The following PRKCB variants were observed in gnomAD, a reference collection of about 807,000 sequenced individuals.
The protein encoded by PRKCB is protein kinase C beta.
In PRKCB, 13 loss-of-function variants were observed where a neutral mutation model predicts 81.5. That is an observed-to-expected ratio of 0.16 (90% CI 0.10 to 0.25). The LOEUF is 0.25. Ranked by LOEUF, PRKCB falls within the 10% of genes least tolerant of loss-of-function variation. The probability of loss-of-function intolerance (pLI) is 1.00; values close to 1 mark genes in which losing one functional copy is unlikely to be tolerated. For synonymous variants in PRKCB, 335 were observed against 321.4 expected, an observed-to-expected ratio of 1.04 and a Z score of -0.45; for missense variants, 509 against 875.7, an observed-to-expected ratio of 0.58 and a Z score of 5.29.
intron 9 of PRKCB, among the ~76,000 whole-genome samples, chr16:24,141,206 GT>G (rs536478873): frequency 6.6e-6 from 1 of 151,830 alleles, no homozygotes; most frequent in African/African-American, 2.4e-5. Context: ...TTTATTTTTT[GT>G]TTTTTGAGAC....
chr16:24,193,432 G>A (rs1005374872), intron 16 of PRKCB, among the ~76,000 whole-genome samples: 10 of 143,976 alleles, frequency 6.9e-5, no homozygotes, highest in Non-Finnish European at 1.2e-4. Flanking sequence ...GCGACAGAGT[G>A]AGACTCCATC....
rs1003838471 is a variant in PRKCB, at chr16:24,180,809, G to A, written c.1414G>A (p.Val472Met). The A allele has an allele frequency of 9.3e-6, 15 of 1,613,986 alleles. No individual in the cohort carries two copies. The highest frequency in any genetic ancestry group is 1.7e-5 in the Admixed American group (1 of 59,988). ...CCATAGTGACCTAAAACTTGACAAC[G>A]TGATGCTCGATTCTGAGGGACACAT... ...IIYRDLKLDNVMLDSEGHIKI... is the reference protein window; with the variant it reads ...IIYRDLKLDNMMLDSEGHIKI... Residue 472 changes from valine (V) to methionine (M), a missense_variant, in exon 13 of 17, where the codon GTG (valine) becomes ATG (methionine). By Grantham distance (21) the Val-to-Met change is conservative. Transcript: ENST00000643927.
intron 9 of PRKCB, chr16:24,151,923 C>T (rs902865966): frequency 2.2e-6 from 1 of 454,406 alleles, no homozygotes; most frequent in Non-Finnish European, 4.4e-6. Context: ...AGCCATTCTG[C>T]CCTGTCTCTC....
intron 16 of PRKCB, among the ~76,000 whole-genome samples, chr16:24,197,644 G>A (rs1406071983): frequency 6.6e-6 from 1 of 152,172 alleles, no homozygotes; most frequent in Admixed American, 6.5e-5. Context: ...GCAGGGACAA[G>A]GGTGAAATCA....
intron 3 of PRKCB, among the ~76,000 whole-genome samples, chr16:24,026,795 A>T (rs9925126): frequency 1.3e-5 from 2 of 151,984 alleles, no homozygotes; most frequent in Non-Finnish European, 2.9e-5. Flanking sequence ...TCCTGGGAGA[A>T]GTGAAGGATG....
chr16:24,063,504 AGGCTGGCCTCGAAC>A (rs941190486), intron 5 of PRKCB, among the ~76,000 whole-genome samples: 1 of 152,060 alleles, frequency 6.6e-6, no homozygotes, highest in Non-Finnish European at 1.5e-5. Context: ...CATGTTGGCC[AGGCTGGCCTCGAAC>A]TCCTGACCTC....
chr16:24,021,033 T>TCCCTCCCTCCCTCCC (rs1965365095), intron 3 of PRKCB, among the ~76,000 whole-genome samples: 1 of 140,996 alleles, frequency 7.1e-6, no homozygotes, highest in Non-Finnish European at 1.5e-5. Flanking sequence ...TCTTTCTTTC[T>TCCCTCCCTCCCTCCC]TTCTTTCTCT....
At chr16:23,890,964 G>C (rs1028449897) in intron 2 of PRKCB, among the ~76,000 whole-genome samples, 2 of 151,654 alleles carry the variant, frequency 1.3e-5, no homozygotes, top group Non-Finnish European at 2.9e-5. Context: ...GTATGCCTAG[G>C]GGAAAAAACT....
intron 2 of PRKCB, among the ~76,000 whole-genome samples, chr16:23,955,992 T>C (rs888013582): frequency 1.3e-5 from 2 of 152,230 alleles, no homozygotes; most frequent in African/African-American, 4.8e-5. Flanking sequence ...TGTATAACTG[T>C]GTATTTAGTT....
intron 5 of PRKCB, among the ~76,000 whole-genome samples, chr16:24,056,168 T>C (rs989690174): frequency 2.0e-5 from 3 of 152,258 alleles, no homozygotes; most frequent in African/African-American, 7.2e-5. Context: ...CTTCTTTCTC[T>C]TTTCCTCTTT....
intron 3 of PRKCB, among the ~76,000 whole-genome samples, chr16:24,022,087 G>T (rs996223479): frequency 7.9e-5 from 12 of 152,246 alleles, no homozygotes; most frequent in African/African-American, 2.4e-4. Flanking sequence ...ATTTCCAGGG[G>T]TGGGCGAGAT....
chr16:23,930,761 A>G (rs1451830148), intron 2 of PRKCB, among the ~76,000 whole-genome samples: 1 of 152,152 alleles, frequency 6.6e-6, no homozygotes, highest in African/African-American at 2.4e-5. Context: ...GGATTAATAC[A>G]TGTAAAGCTC....
intron 2 of PRKCB, among the ~76,000 whole-genome samples, chr16:23,882,021 T>TTCTTTCTTTCTTTCTTCCTTCCTTC (rs1555481692): frequency 0.045 from 2,490 of 55,592 alleles, 299 homozygotes; most frequent in East Asian, 0.083. Context: ...TTTCTTTCTT[T>TTCTTTCTTTCTTTCTTCCTTCCTTC]CTTCCTTCCT....
intron 9 of PRKCB, chr16:24,151,979 T>C (rs895645157): frequency 2.3e-5 from 10 of 443,810 alleles, no homozygotes; most frequent in Admixed American, 2.4e-5. Flanking sequence ...GCATCTGCAC[T>C]GAAGGTGTCT....
intron 10 of PRKCB, among the ~76,000 whole-genome samples, chr16:24,155,617 A>G (rs1341327389): frequency 1.3e-5 from 2 of 152,192 alleles, no homozygotes; most frequent in African/African-American, 2.4e-5. Flanking sequence ...GGACTTTTCA[A>G]GATTAATTTT....
chr16:24,004,800 T>A (rs1965094750), intron 3 of PRKCB, among the ~76,000 whole-genome samples: 1 of 152,228 alleles, frequency 6.6e-6, no homozygotes, highest in South Asian at 2.1e-4. Flanking sequence ...ATTTTTGACC[T>A]AAGAATTACT....
intron 2 of PRKCB, among the ~76,000 whole-genome samples, chr16:23,951,940 GA>G (rs1367037989): frequency 2.6e-5 from 4 of 152,084 alleles, no homozygotes; most frequent in African/African-American, 9.7e-5. Context: ...ATATCACATT[GA>G]TTGGTGGTGA....
intron 2 of PRKCB, among the ~76,000 whole-genome samples, chr16:23,981,720 C>CCCTTT (rs1964711307): frequency 2.0e-5 from 1 of 49,576 alleles, no homozygotes; most frequent in Admixed American, 2.0e-4. Flanking sequence ...CCTTTCCCTT[C>CCCTTT]CCCTTCCCTT....
intron 2 of PRKCB, among the ~76,000 whole-genome samples, chr16:23,873,858 T>C (rs1858868): frequency 0.97 from 147,070 of 152,154 alleles, 71,112 homozygotes; most frequent in East Asian, 1. Context: ...GGTTTTCAAA[T>C]ATACACTCCT....
Sources: allele counts gnomAD v4.1 joint callset (sites outside exome capture counted in the v4.1 genomes callset), GRCh38; gene constraint gnomAD v4.1.1; transcripts MANE v1.5; gene names NCBI Gene and HGNC (gene_info 2026-07-23, HGNC 2026-07-21).